DNAH7: variants seen among roughly 807,000 people sequenced by gnomAD.
DNAH7 encodes the protein dynein axonemal heavy chain 7.
In DNAH7, 397 loss-of-function variants were observed where a neutral mutation model predicts 444.6. The observed-to-expected ratio is 0.89, with a 90% CI of 0.82 to 0.97. DNAH7 has a LOEUF of 0.97. Among genes scored for constraint, DNAH7 ranks in the 50% least tolerant of loss-of-function variants. The pLI is 0.00. For missense variants in DNAH7, 4,902 were observed against 4,800.8 expected, an observed-to-expected ratio of 1.02 and a Z score of -0.62; for synonymous variants, 1,636 against 1,624.4, an observed-to-expected ratio of 1.01 and a Z score of -0.17.
chr2:195,788,297 G>C (rs913197086), intron 57 of DNAH7, among the ~76,000 whole-genome samples: 1 of 152,172 alleles, frequency 6.6e-6, no homozygotes, highest in Admixed American at 6.5e-5. Context: ...GAAGAAAGAT[G>C]CCAACTCCAT....
Position 195,960,471 on chromosome 2 carries a change from C to A in DNAH7, c.2680G>T (p.Ala894Ser). The change falls in exon 18 of 65, where the codon GCA becomes TCA. Residue 894 changes from alanine to serine, a missense_variant. Coordinates refer to ENST00000312428, the MANE Select transcript of DNAH7 (RefSeq NM_018897.3). The stretch of plus-strand genomic sequence containing the variant: ...TCAAGAGAATATTCTTTGCTAGCTG[C>A]TTCACTAATACCTTCAAATCGGTCT... ...YIDRFEGISE[A>S]ASKEYSLEKA... 1.2e-6 allele frequency: 2 copies of A among 1,614,188 alleles called. No homozygotes were observed. Among genetic ancestry groups the A allele is most frequent in the African/African-American group, 1.3e-5 (1 of 75,056 alleles).
chr2:195,747,063 GT>G (rs1381217923), intron 63 of DNAH7, among the ~76,000 whole-genome samples: 2 of 152,102 alleles, frequency 1.3e-5, no homozygotes, highest in Non-Finnish European at 2.9e-5. Context: ...CCAGGAGCTG[GT>G]TTTTTTGAAA....
intron 59 of DNAH7, among the ~76,000 whole-genome samples, chr2:195,776,383 C>T (rs181413141): frequency 1.3e-5 from 2 of 151,384 alleles, no homozygotes; most frequent in East Asian, 1.9e-4. Flanking sequence ...ACAGAAGTTG[C>T]GGTGAGCTGA....
At position 196,000,728 on chromosome 2, in the gene DNAH7, A is replaced by G; in HGVS notation, c.1329T>C (p.Val443=). 6.3e-7 allele frequency: 1 copy of G among 1,578,280 alleles called. No individual in the cohort carries two copies. Among genetic ancestry groups the G allele is most frequent in the Non-Finnish European group, 8.6e-7 (1 of 1,163,226 alleles). ...MIKAVSFVPR[V]ETKLYSKWES... is the part of the protein sequence containing the mutation. ...CCCACTTGGAATACAATTTTGTCTC[A>G]ACTCTTGGCACAAAACTGACAGCTT... is the stretch of plus-strand genomic sequence containing the variant. The change falls in exon 12 of 65, where the codon GTT becomes GTC. Residue 443 remains valine, a synonymous_variant. Coordinates refer to ENST00000312428, the MANE Select transcript of DNAH7 (RefSeq NM_018897.3).
At chr2:195,783,477 C>T (rs537002980) in intron 58 of DNAH7, among the ~76,000 whole-genome samples, 1 of 152,298 alleles carries the variant, frequency 6.6e-6, no homozygotes, top group South Asian at 2.1e-4. Flanking sequence ...TGTGGCAGCA[C>T]AACTCAAGTC....
chr2:195,795,496 A>T (rs1696091562), intron 56 of DNAH7, among the ~76,000 whole-genome samples: 1 of 152,248 alleles, frequency 6.6e-6, no homozygotes. Context: ...TACATCAACT[A>T]TGATGACGTA....
chr2:195,776,310 G>GC (rs1312774414), intron 59 of DNAH7, among the ~76,000 whole-genome samples: 2 of 152,042 alleles, frequency 1.3e-5, no homozygotes, highest in Non-Finnish European at 2.9e-5. Context: ...GGGTGTGGTG[G>GC]CACACACCTG....
chr2:196,021,080 T>C (rs145729302), intron 8 of DNAH7, among the ~76,000 whole-genome samples: 129 of 152,350 alleles, frequency 8.5e-4, no homozygotes, highest in African/African-American at 3.1e-3. Flanking sequence ...TCCATCCATG[T>C]AATAAATTGA....
At chr2:195,985,107 G>A (rs1038164286) in intron 14 of DNAH7, among the ~76,000 whole-genome samples, 9 of 152,132 alleles carry the variant, frequency 5.9e-5, no homozygotes, top group African/African-American at 2.2e-4. Context: ...TGGAGGGATT[G>A]TTTAAAATAG....
chr2:195,882,664 G>C (rs1701455965), intron 35 of DNAH7, among the ~76,000 whole-genome samples: 1 of 152,146 alleles, frequency 6.6e-6, no homozygotes, highest in Non-Finnish European at 1.5e-5. Context: ...AATTTGCTAT[G>C]ACAGTGTTTA....
intron 38 of DNAH7, among the ~76,000 whole-genome samples, chr2:195,874,112 C>T (rs1389274747): frequency 1.4e-5 from 2 of 146,794 alleles, no homozygotes; most frequent in Non-Finnish European, 2.9e-5. Context: ...GGGTACTTCC[C>T]ACAAGGCTCG....
At chr2:195,796,914 G>C (rs765161664) in intron 55 of DNAH7, among the ~76,000 whole-genome samples, 177 bp from the exon 56 acceptor site, 3 of 152,052 alleles carry the variant, frequency 2.0e-5, no homozygotes, top group Non-Finnish European at 4.4e-5. Flanking sequence ...TAAACACTTC[G>C]ATAAAAAGCA....
chr2:195,853,935 G>A (rs1304918061), intron 45 of DNAH7, among the ~76,000 whole-genome samples: 2 of 152,140 alleles, frequency 1.3e-5, no homozygotes, highest in African/African-American at 2.4e-5. Context: ...TGGCCTTAAA[G>A]GTTAAGTGTT....
At chr2:195,867,126 C>T (rs954460747) in intron 40 of DNAH7, among the ~76,000 whole-genome samples, 18 of 152,148 alleles carry the variant, frequency 1.2e-4, no homozygotes, top group African/African-American at 4.3e-4. Flanking sequence ...ACAGGTACAA[C>T]AATCTTAAGT....
Position 196,068,808 on chromosome 2 carries a change from G to T in DNAH7, c.-97C>A, listed in dbSNP as rs1048845851. On this transcript the variant is annotated 5_prime_UTR_variant, in exon 1 of 65. Transcript: ENST00000312428. ...AGGCAGGGCCCCGGGACTTGCAGCGGTCTCAGCTCCCTCCGCACCAGAGCC... is the reference window on the plus strand; with the variant it reads ...AGGCAGGGCCCCGGGACTTGCAGCGTTCTCAGCTCCCTCCGCACCAGAGCC... 8 of 1,471,704 alleles carry T rather than the reference G, an allele frequency of 5.4e-6. No individual in the cohort carries two copies. In the African/African-American group the frequency reaches 7.0e-5, roughly 13 times the overall value. The allele number at this position is 1,471,704 out of a possible 1,614,324, so 91.2% of individuals were successfully genotyped here.
At chr2:195,840,467 C>T (rs1378234697) in intron 47 of DNAH7, among the ~76,000 whole-genome samples, 2 of 151,658 alleles carry the variant, frequency 1.3e-5, no homozygotes, top group Non-Finnish European at 3.0e-5. Context: ...ATTTCATCAA[C>T]CCTGTTCATC....
At chr2:196,002,838 T>C (rs1484492302) in intron 10 of DNAH7, among the ~76,000 whole-genome samples, 1 of 151,886 alleles carries the variant, frequency 6.6e-6, no homozygotes, top group East Asian at 1.9e-4. Flanking sequence ...TGAAACCCCA[T>C]CTCTACTAAA....
At chr2:195,951,143 T>C (rs1690228302) in intron 19 of DNAH7, among the ~76,000 whole-genome samples, 1 of 152,172 alleles carries the variant, frequency 6.6e-6, no homozygotes, top group Admixed American at 6.5e-5. Flanking sequence ...TGTTGTGTCT[T>C]TGTTCTCATC....
In DNAH7 at chr2:195,923,790, C is replaced by T. The variant is rs368984776; in HGVS notation, c.3630G>A (p.Leu1210=). The T allele has an allele frequency of 7.4e-6, 12 of 1,613,906 alleles. 1 individual carries two copies. In the Admixed American group the frequency reaches 1.0e-4, roughly 13 times the overall value. Residue 1210 remains leucine (L), a synonymous_variant, in exon 23 of 65, where the codon TTG becomes TTA. Transcript: ENST00000312428. ...PMGIKALEQY[L]KTCNRQIDDI... is the part of the protein sequence containing the mutation. Reference sequence around the variant, plus strand: ...CATCAATTTGTCTGTTACATGTTTTCAAGTATTGCTCAAGAGCCTGAAAGA... The same window carrying T: ...CATCAATTTGTCTGTTACATGTTTTTAAGTATTGCTCAAGAGCCTGAAAGA...
Sources: allele counts gnomAD v4.1 joint callset (sites outside exome capture counted in the v4.1 genomes callset), GRCh38; gene constraint gnomAD v4.1.1; transcripts MANE v1.5; gene names NCBI Gene and HGNC (gene_info 2026-07-23, HGNC 2026-07-21).